The following FARS2 variants were observed in gnomAD, a reference collection of about 807,000 sequenced individuals.
The protein encoded by FARS2 is phenylalanine--tRNA ligase, mitochondrial.
FARS2 carries 40 observed loss-of-function variants against 46.4 expected under a neutral mutation model. The ratio of observed to expected loss-of-function variants is 0.86; its 90% CI spans 0.67 to 1.12. The LOEUF (loss-of-function observed/expected upper bound fraction) is 1.12. FARS2 is among the 50% of genes most tolerant of loss of function. The probability of loss-of-function intolerance (pLI) is 0.00; values close to 1 mark genes in which losing one functional copy is unlikely to be tolerated. For synonymous variants in FARS2, 234 were observed against 214.9 expected (o/e 1.09, Z -0.78); for missense variants, 513 against 567.9 (o/e 0.90, Z 0.98).
chr6:5,637,694 A>G (rs1776612252), intron 6 of FARS2, among the ~76,000 whole-genome samples: 1 of 152,218 alleles, frequency 6.6e-6, no homozygotes, highest in East Asian at 1.9e-4. Context: ...ATTTCCTTAC[A>G]GTCCTGGAGG....
At chr6:5,546,441 G>A (rs183619557) in intron 5 of FARS2, among the ~76,000 whole-genome samples, 133 of 151,454 alleles carry the variant, frequency 8.8e-4, no homozygotes, top group Non-Finnish European at 5.0e-4. Flanking sequence ...TAGTAGAGAC[G>A]GGGTTTCACC....
intron 1 of FARS2, among the ~76,000 whole-genome samples, chr6:5,310,358 T>G (rs754945082): frequency 4.3e-4 from 66 of 151,778 alleles, no homozygotes; most frequent in Non-Finnish European, 8.1e-4. Flanking sequence ...ACCTCAAAGG[T>G]CATAAACTAA....
rs560841051 is a variant in FARS2, at chr6:5,305,872, A to T, written c.-22+44212A>T. 1.7e-4 allele frequency among the ~76,000 whole-genome samples: 26 copies of T among 152,324 alleles called. 1 individual carries two copies. The highest frequency in any genetic ancestry group is 3.4e-4 in the Non-Finnish European group (23 of 68,028). On this transcript the variant is annotated intron_variant, in intron 1 of 6. Coordinates refer to ENST00000274680, the MANE Select transcript of FARS2 (RefSeq NM_006567.5). ...ATTGTGGCCTTGAGGCAGTAGTCAG[A>T]TGGGGGTATGAAGATTTATACTGAG...
chr6:5,443,921 G>A (rs1763982222), intron 4 of FARS2, among the ~76,000 whole-genome samples: 1 of 152,140 alleles, frequency 6.6e-6, no homozygotes, highest in Non-Finnish European at 1.5e-5. Flanking sequence ...AAGGATATTT[G>A]GAAAGAACTT....
At chr6:5,323,839 A>G (rs1475351785) in intron 1 of FARS2, among the ~76,000 whole-genome samples, 2 of 152,232 alleles carry the variant, frequency 1.3e-5, no homozygotes, top group East Asian at 1.9e-4. Flanking sequence ...GTATCACCCT[A>G]ATGGCTAAGG....
At chr6:5,595,307 A>G (rs1774136860) in intron 5 of FARS2, among the ~76,000 whole-genome samples, 1 of 152,098 alleles carries the variant, frequency 6.6e-6, no homozygotes, top group Non-Finnish European at 1.5e-5. Flanking sequence ...TCTACCCCTT[A>G]ATCCTTTGAT....
chr6:5,343,679 T>C lies in FARS2; in HGVS notation c.-21-24871T>C, dbSNP rs913967999. On this transcript the variant is annotated intron_variant, in intron 1 of 6. Transcript: ENST00000274680. This position sits in a 1 kb window ranked among gnomAD's most constrained non-coding sequence, Gnocchi z 4.5. ...AAGTTTTTATCACCTTTAACAGGAA[T>C]GTGTCGTGACTGAAAGTGGAGGATG... Among the ~76,000 whole-genome samples the C allele has an allele frequency of 1.3e-5, 2 of 152,206 alleles. No individual in the cohort carries two copies. The highest frequency in any genetic ancestry group is 2.9e-5 in the Non-Finnish European group (2 of 68,034).
chr6:5,736,550 A>G (rs2150945075), intron 6 of FARS2, among the ~76,000 whole-genome samples: 1 of 152,354 alleles, frequency 6.6e-6, no homozygotes, highest in South Asian at 2.1e-4. Context: ...GGTTATGTCC[A>G]CATTGATTCT....
chr6:5,679,415 C>G (rs1778919283), intron 6 of FARS2, among the ~76,000 whole-genome samples: 1 of 152,102 alleles, frequency 6.6e-6, no homozygotes, highest in Non-Finnish European at 1.5e-5. Context: ...CACTGGCCTG[C>G]CCTGTTGAGT....
In FARS2 at chr6:5,717,954, G is replaced by A. The variant is rs187343533; in HGVS notation, c.1218-53337G>A. Among the ~76,000 whole-genome samples the A allele has an allele frequency of 1.6e-3, 86 of 52,224 alleles. 3 individuals carry two copies. Among genetic ancestry groups the A allele is most frequent in the African/African-American group, 5.1e-3 (73 of 14,380 alleles). 34.3% of individuals were successfully genotyped at this position (52,224 alleles called of 152,430 possible). A position where few individuals can be genotyped will look rare whatever the true frequency, so the allele number is the denominator to read the frequency against. On this transcript the variant is annotated intron_variant, in intron 6 of 6. Transcript: ENST00000274680. ...TATATATACAGAGTCTCACTCTGTC[G>A]CCCAGGCTGGAGTACAGTGGCGTGA...
intron 5 of FARS2, among the ~76,000 whole-genome samples, chr6:5,578,808 C>CA (rs56248218): frequency 0.017 from 2,107 of 123,898 alleles, 138 homozygotes; most frequent in African/African-American, 0.06. Flanking sequence ...CACTCCGTCT[C>CA]AAAAAAAAAA....
intron 1 of FARS2, among the ~76,000 whole-genome samples, chr6:5,363,565 G>GTA (rs966693613): frequency 2.0e-5 from 3 of 152,076 alleles, no homozygotes; most frequent in Non-Finnish European, 2.9e-5. Context: ...AAGAGTATGT[G>GTA]TATATATATG....
chr6:5,470,639 A>G (rs1466904873), intron 4 of FARS2, among the ~76,000 whole-genome samples: 1 of 152,196 alleles, frequency 6.6e-6, no homozygotes, highest in Non-Finnish European at 1.5e-5. Context: ...TGTTCCGTAT[A>G]GTTTGTGTAG....
At chr6:5,446,634 C>T (rs1264317044) in intron 4 of FARS2, among the ~76,000 whole-genome samples, 3 of 152,166 alleles carry the variant, frequency 2.0e-5, no homozygotes, top group Non-Finnish European at 4.4e-5. Flanking sequence ...TTGTGCAAAG[C>T]TTCATACTTG....
intron 2 of FARS2, among the ~76,000 whole-genome samples, chr6:5,391,495 T>C (rs533167856): frequency 6.6e-6 from 1 of 152,284 alleles, no homozygotes; most frequent in South Asian, 2.1e-4. Context: ...TCACAGGAAC[T>C]CAGAGTCAGG....
intron 3 of FARS2, among the ~76,000 whole-genome samples, chr6:5,408,338 G>T (rs75936111): frequency 1.3e-5 from 2 of 151,980 alleles, no homozygotes; most frequent in Non-Finnish European, 2.9e-5. Flanking sequence ...TAAGCAAGGT[G>T]GGGGGGCAGA....
At chr6:5,575,543 A>G (rs547768742) in intron 5 of FARS2, among the ~76,000 whole-genome samples, 2 of 152,290 alleles carry the variant, frequency 1.3e-5, no homozygotes, top group Admixed American at 6.5e-5. Flanking sequence ...AAGTTAATAT[A>G]TGTCAGGAAA....
chr6:5,334,717 T>C (rs1005508616), intron 1 of FARS2, among the ~76,000 whole-genome samples: 1 of 152,230 alleles, frequency 6.6e-6, no homozygotes, highest in Non-Finnish European at 1.5e-5. Flanking sequence ...AAATATGTAA[T>C]AGTTTTGGGG....
chr6:5,338,539 T>C (rs1771324632), intron 1 of FARS2, among the ~76,000 whole-genome samples: 1 of 152,194 alleles, frequency 6.6e-6, no homozygotes, highest in Non-Finnish European at 1.5e-5. Flanking sequence ...TTCCTCATGC[T>C]CTTTCCTCTG....
Sources: allele counts gnomAD v4.1 joint callset (sites outside exome capture counted in the v4.1 genomes callset), GRCh38; gene constraint gnomAD v4.1.1; non-coding constraint Gnocchi (gnomAD v3.1); transcripts MANE v1.5; gene names NCBI Gene and HGNC (gene_info 2026-07-23, HGNC 2026-07-21).